The following ERO1B variants were observed in gnomAD, a reference collection of about 807,000 sequenced individuals.
ERO1B encodes the protein endoplasmic reticulum oxidoreductase 1 beta, also known as ERO1-like protein beta.
ERO1B carries 49 observed loss-of-function variants against 75.3 expected under a neutral mutation model. The ratio of observed to expected loss-of-function variants is 0.65; its 90% confidence interval spans 0.52 to 0.83. The LOEUF is 0.83. Ranked by LOEUF, ERO1B falls within the 40% of genes least tolerant of loss-of-function variation. The probability of loss-of-function intolerance (pLI) is 0.00; values close to 1 mark genes in which losing one functional copy is unlikely to be tolerated. For missense variants in ERO1B, 512 were observed against 560.1 expected (o/e 0.91, Z 0.87); for synonymous variants, 191 against 192.9 (o/e 0.99, Z 0.08).
At chr1:236,229,126 A>C (rs1664341015) in intron 10 of ERO1B, among the ~76,000 whole-genome samples, 1 of 152,224 alleles carries the variant, frequency 6.6e-6, no homozygotes, top group South Asian at 2.1e-4. Context: ...CACATAGTTC[A>C]TTACAAACAA....
intron 6 of ERO1B, among the ~76,000 whole-genome samples, chr1:236,239,857 A>ATATGTGTATATATATG (rs771310245): frequency 2.5e-5 from 1 of 39,734 alleles, no homozygotes; most frequent in East Asian, 6.6e-4. Context: ...ATGTGTATAT[A>ATATGTGTATATATATG]TGTATATATA....
intron 2 of ERO1B, among the ~76,000 whole-genome samples, chr1:236,254,645 C>T (rs1665117244): frequency 1.3e-5 from 2 of 152,106 alleles, no homozygotes; most frequent in African/African-American, 4.8e-5. Flanking sequence ...CAGAGTCTCA[C>T]TCTGTCACCC....
At chr1:236,225,032 C>G (rs1228059095) in intron 13 of ERO1B, 38 bp downstream of exon 13, 1 of 1,588,928 alleles carries the variant, frequency 6.3e-7, no homozygotes, top group Non-Finnish European at 8.6e-7. Flanking sequence ...AACCAGCAAA[C>G]TGCTCCCAAC....
intron 4 of ERO1B, among the ~76,000 whole-genome samples, chr1:236,251,142 G>C (rs773224247): frequency 2.0e-5 from 3 of 151,054 alleles, no homozygotes; most frequent in African/African-American, 2.4e-5. Flanking sequence ...GTAAGACTGA[G>C]TAAAAGCACA....
At chr1:236,227,326 T>A (rs1294870026) in intron 10 of ERO1B, among the ~76,000 whole-genome samples, 1 of 152,206 alleles carries the variant, frequency 6.6e-6, no homozygotes, top group East Asian at 1.9e-4. Flanking sequence ...TACAGGAATA[T>A]AACAGAACGT....
At chr1:236,250,082 C>T (rs1044113228) in intron 4 of ERO1B, 115 bp from the exon 5 acceptor site, 7 of 551,416 alleles carry the variant, frequency 1.3e-5, no homozygotes, top group African/African-American at 7.9e-5. Flanking sequence ...ACATACATTC[C>T]ATTATAAAAA....
intron 1 of ERO1B, among the ~76,000 whole-genome samples, chr1:236,274,511 C>T (rs1166951680): frequency 6.6e-6 from 1 of 152,082 alleles, no homozygotes; most frequent in Non-Finnish European, 1.5e-5. Flanking sequence ...TGCTTCTTCC[C>T]TATTCTATTA....
rs1382310718 is a variant in ERO1B, at chr1:236,236,404, C to G, written c.506-6G>C. 6.2e-7 allele frequency: 1 copy of G among 1,612,522 alleles called. No homozygotes were observed. Among genetic ancestry groups the G allele is most frequent in the Non-Finnish European group, 8.5e-7 (1 of 1,179,518 alleles). On this transcript the variant is annotated splice_polypyrimidine_tract_variant and splice_region_variant and intron_variant, in intron 6 of 15. Transcript: ENST00000354619. ...AGCAGCTGGAGATCTCTCATCTGAA[C>G]AAGAAAAAATTCATAAAAACCATCC...
chr1:236,239,837 G>GTGTATATATATA (rs1558510856), intron 6 of ERO1B, among the ~76,000 whole-genome samples: 1 of 22,858 alleles, frequency 4.4e-5, no homozygotes, highest in Non-Finnish European at 1.9e-4. Flanking sequence ...ATATATATGT[G>GTGTATATATATA]TATATATATA....
chr1:236,251,982 C>CTA, intron 4 of ERO1B, 68 bp downstream of exon 4: 2 of 1,168,722 alleles, frequency 1.7e-6, no homozygotes, highest in Non-Finnish European at 1.2e-6. Flanking sequence ...ACTACAGCCA[C>CTA]TGTCAGTCAG....
intron 7 of ERO1B, 116 bp downstream of exon 7, chr1:236,236,162 G>T (rs1018849493): frequency 1.5e-6 from 2 of 1,306,578 alleles, no homozygotes; most frequent in African/African-American, 2.9e-5. Flanking sequence ...CCTGACCTCA[G>T]ATGATCCACC....
At position 236,222,011 on chromosome 1, in the gene ERO1B, C is replaced by T. The variant is rs1027701339; in HGVS notation, c.1123-1G>A. On this transcript the variant is annotated splice_acceptor_variant, in intron 13 of 15. Coordinates refer to ENST00000354619, the MANE Select transcript of ERO1B (RefSeq NM_019891.4). LOFTEE classifies it high-confidence loss of function. The stretch of plus-strand genomic sequence containing the variant: ...TCTTGAAATGTAATCGGAATTCCTC[C>T]TAGCAAGCAGAAAATATTTTCAGTC... 1.9e-6 allele frequency: 3 copies of T among 1,611,096 alleles called. No individual in the cohort carries two copies. Among genetic ancestry groups the T allele is most frequent in the African/African-American group, 2.7e-5 (2 of 74,822 alleles).
intron 10 of ERO1B, among the ~76,000 whole-genome samples, chr1:236,227,107 AT>A (rs1231859463): frequency 1.3e-5 from 2 of 152,120 alleles, no homozygotes; most frequent in African/African-American, 4.8e-5. Context: ...TCACTGCTGG[AT>A]TTTTCCCCCT....
At chr1:236,234,972 C>T (rs1485535075) in intron 8 of ERO1B, among the ~76,000 whole-genome samples, 1 of 152,148 alleles carries the variant, frequency 6.6e-6, no homozygotes, top group Non-Finnish European at 1.5e-5. Flanking sequence ...TATACACACA[C>T]TACAACAAAA....
intron 2 of ERO1B, among the ~76,000 whole-genome samples, chr1:236,267,564 C>T (rs2102964385): frequency 6.6e-6 from 1 of 152,272 alleles, no homozygotes. Context: ...AACTGGACCA[C>T]TTGTGAAGAG....
At chr1:236,273,869 T>G (rs945888532) in intron 1 of ERO1B, among the ~76,000 whole-genome samples, 17 of 151,288 alleles carry the variant, frequency 1.1e-4, no homozygotes. Flanking sequence ...ATAGAACCGC[T>G]GAAAGTATAT....
At chr1:236,237,748 A>G (rs377448863) in intron 6 of ERO1B, among the ~76,000 whole-genome samples, 3 of 152,186 alleles carry the variant, frequency 2.0e-5, no homozygotes, top group Admixed American at 6.5e-5. Context: ...CTGTCAGTAA[A>G]CAGTATTCCC....
At position 236,274,754 on chromosome 1, in the gene ERO1B, A is replaced by AT. The variant is rs552645493; in HGVS notation, c.103-4761_103-4760insA. On this transcript the variant is annotated intron_variant, in intron 1 of 15. Coordinates refer to ENST00000354619, the MANE Select transcript of ERO1B (RefSeq NM_019891.4). ...GATATAAAATTAGAAGAAAAAAAAAAGACAGACAAAAATCTCTGCCCTCAA... is the reference window on the plus strand; with the variant it reads ...GATATAAAATTAGAAGAAAAAAAAAATGACAGACAAAAATCTCTGCCCTCAA... Among the ~76,000 whole-genome samples, 58 of 85,958 alleles carry AT rather than the reference A, an allele frequency of 6.7e-4. 1 individual carries two copies. The highest frequency in any genetic ancestry group is 1.6e-3 in the African/African-American group (55 of 34,808). The allele number at this position is 85,958 out of a possible 152,430, so 56.4% of individuals were successfully genotyped here.
In ERO1B at chr1:236,216,373, T is replaced by C. The variant is rs1197329992; in HGVS notation, c.*2143A>G. On this transcript the variant is annotated 3_prime_UTR_variant, in exon 16 of 16. Coordinates refer to ENST00000354619, the MANE Select transcript of ERO1B (RefSeq NM_019891.4). ...AGTTTAGATCACAAGAACCATAAAA[T>C]GTCACCAGGCTCACACAATCATTTA... The C allele has an allele frequency of 6.6e-6, 1 of 152,096 alleles. No homozygotes were observed. The highest frequency in any genetic ancestry group is 2.4e-5 in the African/African-American group (1 of 41,432). The allele number at this position is 152,096 out of a possible 1,614,324, so 9.4% of individuals were successfully genotyped here. A position where few individuals can be genotyped will look rare whatever the true frequency, so the allele number is the denominator to read the frequency against.
Sources: allele counts gnomAD v4.1 joint callset (sites outside exome capture counted in the v4.1 genomes callset), GRCh38; gene constraint gnomAD v4.1.1; transcripts MANE v1.5; gene names NCBI Gene and HGNC (gene_info 2026-07-23, HGNC 2026-07-21).